Variants in PHLPP1 observed in about 807,000 individuals in gnomAD.
PHLPP1 encodes the protein PH domain leucine-rich repeat-containing protein phosphatase 1.
PHLPP1 carries 42 observed loss-of-function variants against 117.2 expected under a neutral mutation model. The observed-to-expected ratio is 0.36, with a 90% CI of 0.28 to 0.46. The LOEUF is 0.46. PHLPP1 is among the 20% of genes least tolerant of loss of function. The pLI, the probability that PHLPP1 is intolerant of heterozygous loss-of-function variation, is 1.00. For missense variants in PHLPP1, 2,084 were observed against 2,241.9 expected, an observed-to-expected ratio of 0.93 and a Z score of 1.42; for synonymous variants, 1,042 against 970.7, an observed-to-expected ratio of 1.07 and a Z score of -1.37.
At chr18:62,866,411 AT>A (rs1462375601) in intron 4 of PHLPP1, among the ~76,000 whole-genome samples, 1 of 151,842 alleles carries the variant, frequency 6.6e-6, no homozygotes, top group Non-Finnish European at 1.5e-5. Flanking sequence ...TGCCTGGCTA[AT>A]TTTTGTAGTT....
intron 15 of PHLPP1, among the ~76,000 whole-genome samples, chr18:62,974,239 G>T (rs1432378554): frequency 6.6e-6 from 1 of 152,190 alleles, no homozygotes; most frequent in Non-Finnish European, 1.5e-5. Context: ...CTGAAAGTTG[G>T]AGTTTAGGAA....
chr18:62,844,355 A>C (rs1323994570), intron 3 of PHLPP1, among the ~76,000 whole-genome samples: 2 of 152,198 alleles, frequency 1.3e-5, no homozygotes, highest in African/African-American at 4.8e-5. Context: ...AAATAAATAA[A>C]ATAAAAATAA....
intron 1 of PHLPP1, among the ~76,000 whole-genome samples, chr18:62,750,189 T>C (rs962900823): frequency 6.6e-6 from 1 of 152,182 alleles, no homozygotes; most frequent in Non-Finnish European, 1.5e-5. Flanking sequence ...ATATAAATTA[T>C]GAGGGAGGGG....
At chr18:62,732,105 A>T (rs1255778707) in intron 1 of PHLPP1, among the ~76,000 whole-genome samples, 1 of 152,256 alleles carries the variant, frequency 6.6e-6, no homozygotes, top group Non-Finnish European at 1.5e-5. Context: ...AAGATCATTG[A>T]TGAAGGCAGC....
At chr18:62,893,837 G>T (rs935484381) in intron 4 of PHLPP1, among the ~76,000 whole-genome samples, 1 of 152,076 alleles carries the variant, frequency 6.6e-6, no homozygotes, top group Non-Finnish European at 1.5e-5. Context: ...TAAGTTGCTT[G>T]GGCAACTGTG....
intron 1 of PHLPP1, among the ~76,000 whole-genome samples, chr18:62,735,998 G>A (rs1368405963): frequency 6.6e-6 from 1 of 151,988 alleles, no homozygotes; most frequent in Non-Finnish European, 1.5e-5. Context: ...GCTTTGCCAG[G>A]CTTCACTTGT....
intron 4 of PHLPP1, among the ~76,000 whole-genome samples, chr18:62,882,477 T>A (rs762966423): frequency 2.0e-5 from 3 of 152,084 alleles, no homozygotes; most frequent in Non-Finnish European, 4.4e-5. Flanking sequence ...TTCACCATGG[T>A]CTCAATCTCC....
At chr18:62,822,288 T>G (rs1321212942) in intron 1 of PHLPP1, among the ~76,000 whole-genome samples, 21 of 143,822 alleles carry the variant, frequency 1.5e-4, no homozygotes, top group East Asian at 8.0e-4. Context: ...TTGTTTTTGT[T>G]TTTTTTTTTT....
intron 2 of PHLPP1, among the ~76,000 whole-genome samples, chr18:62,833,065 AAATAATGTATTATT>A (rs1273506322): frequency 6.6e-6 from 1 of 152,182 alleles, no homozygotes; most frequent in Non-Finnish European, 1.5e-5. Context: ...ATAGATTTTT[AAATAATGTATTATT>A]ATTATTTTTT....
intron 1 of PHLPP1, among the ~76,000 whole-genome samples, chr18:62,752,088 C>T (rs1013125885): frequency 6.6e-6 from 1 of 152,018 alleles, no homozygotes; most frequent in African/African-American, 2.4e-5. Context: ...TTTGTGTTTT[C>T]TTTTTTAGAG....
At position 62,766,076 on chromosome 18, in the gene PHLPP1, A is replaced by AAATATATATAT; in HGVS notation, c.1576+48818_1576+48819insATATATATATA. Among the ~76,000 whole-genome samples the AAATATATATAT allele has an allele frequency of 2.2e-3, 48 of 21,658 alleles. 3 individuals are homozygous for AAATATATATAT. Among genetic ancestry groups the AAATATATATAT allele is most frequent in the African/African-American group, 6.0e-3 (40 of 6,718 alleles). 14.2% of individuals were successfully genotyped at this position (21,658 alleles called of 152,430 possible). ...ACTCCATCTCAAAAAAAAAAAAAAAAATATATATATATATATATATATATA... is the reference window on the plus strand; with the variant it reads ...ACTCCATCTCAAAAAAAAAAAAAAAAAATATATATATATATATATATATATATATATATATA... On this transcript the variant is annotated intron_variant, in intron 1 of 16. Coordinates refer to ENST00000262719, the MANE Select transcript of PHLPP1 (RefSeq NM_194449.4).
intron 1 of PHLPP1, among the ~76,000 whole-genome samples, chr18:62,801,286 G>A (rs1023064736): frequency 2.0e-5 from 3 of 151,200 alleles, no homozygotes; most frequent in Non-Finnish European, 4.4e-5. Context: ...CAAGTAATCC[G>A]CTTGCCTTGG....
At chr18:62,904,839 C>A (rs1420357993) in intron 7 of PHLPP1, among the ~76,000 whole-genome samples, 1 of 152,196 alleles carries the variant, frequency 6.6e-6, no homozygotes, top group Non-Finnish European at 1.5e-5. Context: ...CACTGGAGTG[C>A]TGTTTCAGTA....
intron 1 of PHLPP1, among the ~76,000 whole-genome samples, chr18:62,783,465 T>C (rs1913185765): frequency 6.6e-6 from 1 of 152,098 alleles, no homozygotes; most frequent in African/African-American, 2.4e-5. Flanking sequence ...CCTGACCTCG[T>C]GATCTGCCCG....
chr18:62,826,990 A>G (rs1009608201), intron 1 of PHLPP1, among the ~76,000 whole-genome samples: 1 of 152,106 alleles, frequency 6.6e-6, no homozygotes, highest in Non-Finnish European at 1.5e-5. Flanking sequence ...ACAGAGTGAG[A>G]CCCTGTCTCA....
chr18:62,764,471 C>T (rs1208416630), intron 1 of PHLPP1, among the ~76,000 whole-genome samples: 4 of 150,532 alleles, frequency 2.7e-5, no homozygotes, highest in South Asian at 2.1e-4. Context: ...TCACACTTAA[C>T]GTTCATCTTG....
intron 1 of PHLPP1, among the ~76,000 whole-genome samples, chr18:62,805,907 A>G (rs1177706081): frequency 6.6e-6 from 1 of 151,958 alleles, no homozygotes; most frequent in Non-Finnish European, 1.5e-5. Context: ...GTTTGAAATA[A>G]TAGAATATAA....
At chr18:62,753,222 A>G (rs1258164700) in intron 1 of PHLPP1, among the ~76,000 whole-genome samples, 1 of 152,198 alleles carries the variant, frequency 6.6e-6, no homozygotes, top group East Asian at 1.9e-4. Flanking sequence ...ATGTTTTCTT[A>G]GGTAAAGTTC....
intron 6 of PHLPP1, among the ~76,000 whole-genome samples, chr18:62,901,799 A>G (rs778900273): frequency 9.6e-5 from 14 of 145,430 alleles, no homozygotes; most frequent in Non-Finnish European, 1.5e-4. Flanking sequence ...AATTTTTTGT[A>G]TTTTTTTTTT....
Sources: allele counts gnomAD v4.1 joint callset (sites outside exome capture counted in the v4.1 genomes callset), GRCh38; gene constraint gnomAD v4.1.1; transcripts MANE v1.5; gene names NCBI Gene and HGNC (gene_info 2026-07-23, HGNC 2026-07-21).